PTPN13: variants seen among roughly 807,000 people sequenced by gnomAD.
PTPN13 encodes the protein tyrosine-protein phosphatase non-receptor type 13.
Under a neutral mutation model 284.0 loss-of-function variants are expected in PTPN13, and 191 were observed. The ratio of observed to expected loss-of-function variants is 0.67; its 90% CI spans 0.60 to 0.76. The LOEUF is 0.76. Among genes scored for constraint, PTPN13 ranks in the 30% least tolerant of loss-of-function variants. PTPN13 has a pLI of 0.00. For missense variants in PTPN13, 2,797 were observed against 2,939.9 expected (o/e 0.95, Z 1.12); for synonymous variants, 986 against 1,022.3 (o/e 0.96, Z 0.68).
chr4:86,763,534 G>A (rs908168618), intron 24 of PTPN13, among the ~76,000 whole-genome samples: 6 of 152,144 alleles, frequency 3.9e-5, no homozygotes, highest in African/African-American at 1.2e-4. Context: ...TAAATAGTTC[G>A]TATAATGGGC....
intron 26 of PTPN13, 21 bp downstream of exon 26, chr4:86,765,509 G>T: frequency 6.7e-7 from 1 of 1,492,856 alleles, no homozygotes; most frequent in East Asian, 2.4e-5. Flanking sequence ...TATATTATGT[G>T]GGAATTATAT....
intron 21 of PTPN13, 75 bp downstream of exon 21, chr4:86,758,424 C>A: frequency 1.6e-6 from 2 of 1,233,684 alleles, no homozygotes; most frequent in South Asian, 1.3e-5. Context: ...ATAGCATTGG[C>A]ATTGCAGTGC....
intron 1 of PTPN13, chr4:86,595,845 T>G (rs1763697774): frequency 4.4e-6 from 3 of 689,060 alleles, no homozygotes; most frequent in South Asian, 6.5e-5. Context: ...TACTAAAGGA[T>G]GGGGGGGGGA....
intron 42 of PTPN13, among the ~76,000 whole-genome samples, chr4:86,802,988 C>T (rs1054751124): frequency 4.0e-5 from 6 of 151,614 alleles, no homozygotes; most frequent in African/African-American, 9.7e-5. Context: ...GTGGGAGGAT[C>T]GCCTGAGACA....
intron 19 of PTPN13, 124 bp downstream of exon 19, chr4:86,751,248 T>A (rs1737352115): frequency 1.5e-6 from 1 of 688,378 alleles, no homozygotes; most frequent in Non-Finnish European, 2.5e-6. Context: ...TGAATATAAA[T>A]TTTAGGCTAC....
intron 2 of PTPN13, among the ~76,000 whole-genome samples, chr4:86,650,052 C>T (rs887474936): frequency 2.0e-5 from 3 of 152,142 alleles, no homozygotes; most frequent in Admixed American, 6.5e-5. Flanking sequence ...ATGGCATGAT[C>T]TTGGCTCACT....
At chr4:86,735,453 T>C (rs1735387534) in intron 14 of PTPN13, 141 bp from the exon 15 acceptor site, 4 of 857,306 alleles carry the variant, frequency 4.7e-6, no homozygotes, top group Non-Finnish European at 7.0e-6. Flanking sequence ...ATGCATTTCT[T>C]CTAAAACTCA....
chr4:86,647,640 A>C (rs1376396517), intron 2 of PTPN13, among the ~76,000 whole-genome samples: 1 of 152,148 alleles, frequency 6.6e-6, no homozygotes, highest in African/African-American at 2.4e-5. Flanking sequence ...ATGAAGTCCT[A>C]ACCCCTAATA....
At chr4:86,628,513 TTA>T (rs1491102493) in intron 1 of PTPN13, among the ~76,000 whole-genome samples, 1 of 150,518 alleles carries the variant, frequency 6.6e-6, no homozygotes, top group Non-Finnish European at 1.5e-5. Flanking sequence ...ATTTTTTTTT[TTA>T]TTATACTCTA....
intron 7 of PTPN13, among the ~76,000 whole-genome samples, chr4:86,704,732 T>C (rs902220617): frequency 2.6e-5 from 4 of 152,214 alleles, no homozygotes; most frequent in African/African-American, 9.6e-5. Context: ...CTTGAAATCT[T>C]TTTAACTAGG....
chr4:86,606,689 A>G (rs1764777524), intron 1 of PTPN13, among the ~76,000 whole-genome samples: 1 of 151,866 alleles, frequency 6.6e-6, no homozygotes, highest in Non-Finnish European at 1.5e-5. Context: ...TAGGTTTAGT[A>G]TTTTACCCAC....
intron 15 of PTPN13, among the ~76,000 whole-genome samples, chr4:86,739,169 G>A (rs1327466952): frequency 6.6e-6 from 1 of 152,158 alleles, no homozygotes; most frequent in African/African-American, 2.4e-5. Flanking sequence ...AATTTCATGT[G>A]TAGGGTGAAG....
At chr4:86,715,833 A>G (rs10516779) in intron 7 of PTPN13, among the ~76,000 whole-genome samples, 5,549 of 152,286 alleles carry the variant, frequency 0.036, 352 homozygotes, top group African/African-American at 0.13. Context: ...AATAGTGCTC[A>G]GTGATAGAAA....
intron 1 of PTPN13, among the ~76,000 whole-genome samples, chr4:86,632,804 T>TA (rs901964293): frequency 6.6e-6 from 1 of 152,058 alleles, no homozygotes; most frequent in Non-Finnish European, 1.5e-5. Flanking sequence ...ACTTACCCTT[T>TA]AAAAAAATTC....
chr4:86,619,412 T>C (rs922752046), intron 1 of PTPN13, among the ~76,000 whole-genome samples: 1 of 152,252 alleles, frequency 6.6e-6, no homozygotes, highest in African/African-American at 2.4e-5. Context: ...ATTTTGATAT[T>C]ACCAATTTCC....
chr4:86,605,148 A>G (rs1201765410), intron 1 of PTPN13, among the ~76,000 whole-genome samples: 1 of 151,988 alleles, frequency 6.6e-6, no homozygotes. Context: ...GAGGACAGAG[A>G]AGGGAGTGCC....
chr4:86,728,262 G>A lies in PTPN13; in HGVS notation c.1609-4138G>A, dbSNP rs1426793126. Among the ~76,000 whole-genome samples the A allele has an allele frequency of 1.3e-5, 2 of 149,548 alleles. 1 individual carries two copies. The highest frequency in any genetic ancestry group is 3.0e-5 in the Non-Finnish European group (2 of 66,670). ...ATGTGGTCAATTTTAGAATAAGTGTGATGTGGTGCTGAGAAGAATGTACAT... is the reference window on the plus strand; with the variant it reads ...ATGTGGTCAATTTTAGAATAAGTGTAATGTGGTGCTGAGAAGAATGTACAT... On this transcript the variant is annotated intron_variant, in intron 10 of 47. Transcript: ENST00000411767.
chr4:86,763,906 T>G (rs981092579), intron 24 of PTPN13, among the ~76,000 whole-genome samples: 4 of 151,738 alleles, frequency 2.6e-5, no homozygotes, highest in Non-Finnish European at 5.9e-5. Context: ...GGGAGAGAGA[T>G]AAGGAAGGGA....
chr4:86,678,506 G>C (rs1264863304), intron 3 of PTPN13, among the ~76,000 whole-genome samples: 1 of 152,182 alleles, frequency 6.6e-6, no homozygotes, highest in African/African-American at 2.4e-5. Context: ...GATCCCAAAT[G>C]TATATATCTC....
Sources: allele counts gnomAD v4.1 joint callset (sites outside exome capture counted in the v4.1 genomes callset), GRCh38; gene constraint gnomAD v4.1.1; transcripts MANE v1.5; gene names NCBI Gene and HGNC (gene_info 2026-07-23, HGNC 2026-07-21).